AMN1: variants seen among roughly 807,000 people sequenced by gnomAD.
The protein encoded by AMN1 is antagonist of mitotic exit network 1 homolog.
Under a neutral mutation model 33.0 loss-of-function variants are expected in AMN1, and 20 were observed. The ratio of observed to expected loss-of-function variants is 0.61; its 90% confidence interval spans 0.43 to 0.88. AMN1 has a LOEUF of 0.88. Ranked by LOEUF, AMN1 falls within the 40% of genes least tolerant of loss-of-function variation. AMN1 has a pLI of 0.00. For synonymous variants in AMN1, 114 were observed against 111.9 expected, an observed-to-expected ratio of 1.02 and a Z score of -0.12; for missense variants, 246 against 307.4, an observed-to-expected ratio of 0.80 and a Z score of 1.49.
At chr12:31,705,284 G>A (rs1015287654) in intron 2 of AMN1, among the ~76,000 whole-genome samples, 3 of 152,114 alleles carry the variant, frequency 2.0e-5, no homozygotes, top group African/African-American at 4.8e-5. Context: ...GATTGCTTGA[G>A]CCCAGAGGTT....
At chr12:31,679,071 G>A in intron 6 of AMN1, among the ~76,000 whole-genome samples, 1 of 152,130 alleles carries the variant, frequency 6.6e-6, no homozygotes, top group East Asian at 1.9e-4. Flanking sequence ...CACTTTGAGA[G>A]GCCAACGTGG....
intron 3 of AMN1, among the ~76,000 whole-genome samples, chr12:31,700,892 T>C (rs552112006): frequency 6.6e-6 from 1 of 151,996 alleles, no homozygotes; most frequent in African/African-American, 2.4e-5. Flanking sequence ...GGTTTCACCA[T>C]GTTAGCCAGG....
At chr12:31,713,580 T>C (rs1196049446) in intron 1 of AMN1, among the ~76,000 whole-genome samples, 1 of 152,164 alleles carries the variant, frequency 6.6e-6, no homozygotes, top group African/African-American at 2.4e-5. Context: ...GTGGCTTATG[T>C]CTATAATCCC....
At chr12:31,693,497 G>A (rs1424886140) in intron 5 of AMN1, among the ~76,000 whole-genome samples, 3 of 151,296 alleles carry the variant, frequency 2.0e-5, no homozygotes, top group African/African-American at 4.9e-5. Flanking sequence ...AAAGTGCTGG[G>A]ATTACAGGCG....
intron 2 of AMN1, among the ~76,000 whole-genome samples, chr12:31,704,252 T>A (rs1053865516): frequency 3.3e-4 from 51 of 152,310 alleles, no homozygotes; most frequent in Non-Finnish European, 5.1e-4. Context: ...GGGATTTTTT[T>A]AAAGTCTCTG....
intron 1 of AMN1, among the ~76,000 whole-genome samples, chr12:31,711,294 C>T (rs996156242): frequency 2.6e-5 from 4 of 152,006 alleles, no homozygotes; most frequent in Non-Finnish European, 5.9e-5. Context: ...TAATGTGTAT[C>T]CTTTCATTGT....
At chr12:31,689,619 T>C (rs114353801) in intron 5 of AMN1, among the ~76,000 whole-genome samples, 1,866 of 152,292 alleles carry the variant, frequency 0.012, 36 homozygotes, top group African/African-American at 0.042. Flanking sequence ...GTATTTGCTA[T>C]ATGACCCAGC....
At chr12:31,712,498 G>C (rs1939507326) in intron 1 of AMN1, among the ~76,000 whole-genome samples, 1 of 152,014 alleles carries the variant, frequency 6.6e-6, no homozygotes, top group South Asian at 2.1e-4. Flanking sequence ...TGCCTGCCTT[G>C]GCCTCCCAAA....
chr12:31,672,613 ATTTGTTGT>A, intron 6 of AMN1: 1 of 369,316 alleles, frequency 2.7e-6, no homozygotes, highest in Non-Finnish European at 4.9e-6. Flanking sequence ...AAAAACAGGC[ATTTGTTGT>A]TTTCTCTGTA....
rs74623956 is a variant in AMN1, at chr12:31,705,052, C to T, written c.172-3045G>A. Among the ~76,000 whole-genome samples the T allele has an allele frequency of 9.7e-3, 1,474 of 152,196 alleles. 19 individuals are homozygous for T. Among genetic ancestry groups the T allele is most frequent in the African/African-American group, 0.034 (1,401 of 41,494 alleles). Reference sequence around the variant, plus strand: ...ATTATTCTACTTCCACAGAGCCAAGCAAACTACACCACTAAGGTATCTATG... The same window carrying T: ...ATTATTCTACTTCCACAGAGCCAAGTAAACTACACCACTAAGGTATCTATG... On this transcript the variant is annotated intron_variant, in intron 2 of 6. Transcript: ENST00000281471.
At position 31,697,343 on chromosome 12, in the gene AMN1, T is replaced by C; in HGVS notation, c.591+18A>G. 1 of 1,604,750 alleles carries C rather than the reference T, an allele frequency of 6.2e-7. No individual in the cohort carries two copies. Among genetic ancestry groups the C allele is most frequent in the Non-Finnish European group, 8.5e-7 (1 of 1,173,358 alleles). Reference sequence around the variant, plus strand: ...AAAAATTTAATCACCACCATCTTTATAATTGTTTTAAAATTACCTCTAATT... The same window carrying C: ...AAAAATTTAATCACCACCATCTTTACAATTGTTTTAAAATTACCTCTAATT... On this transcript the variant is annotated intron_variant, in intron 5 of 6. Transcript: ENST00000281471.
intron 6 of AMN1, among the ~76,000 whole-genome samples, chr12:31,676,537 T>C (rs1937711682): frequency 6.6e-6 from 1 of 150,714 alleles, no homozygotes; most frequent in African/African-American, 2.4e-5. Flanking sequence ...TTAGCCAGGA[T>C]GGTCTCGATC....
intron 6 of AMN1, among the ~76,000 whole-genome samples, chr12:31,682,940 T>A (rs1270504873): frequency 4.6e-5 from 7 of 151,316 alleles, no homozygotes; most frequent in African/African-American, 1.5e-4. Context: ...ATATAAGAAG[T>A]GATTTGAAAG....
chr12:31,675,975 T>TA (rs1321863601), intron 6 of AMN1, among the ~76,000 whole-genome samples: 2 of 151,738 alleles, frequency 1.3e-5, no homozygotes, highest in African/African-American at 2.4e-5. Flanking sequence ...AGGAATTCAC[T>TA]AAAAAAATAG....
At chr12:31,712,175 CAA>C (rs1353226567) in intron 1 of AMN1, among the ~76,000 whole-genome samples, 15 of 152,194 alleles carry the variant, frequency 9.9e-5, no homozygotes, top group Admixed American at 9.8e-4. Context: ...CTCCTAGGCT[CAA>C]GAGATCCTCC....
At chr12:31,713,295 GTTTA>G (rs1029996576) in intron 1 of AMN1, among the ~76,000 whole-genome samples, 6 of 152,078 alleles carry the variant, frequency 3.9e-5, no homozygotes, top group African/African-American at 1.4e-4. Flanking sequence ...ATGTATATAT[GTTTA>G]TTTACAGTAT....
chr12:31,728,979 G>A lies in AMN1; in HGVS notation c.30C>T (p.Leu10=). ...GGACAGGGTAGACTCACAGATCCAG[G>A]AGCTGACTGACCCGCCGTGGGCGAG... is the stretch of plus-strand genomic sequence containing the variant. MPRPRRVSQ[L]LDLCLWCFMK... The change falls in exon 1 of 7, where the codon CTC becomes CTT. Residue 10 remains leucine (L), a synonymous_variant. Transcript: ENST00000281471. 1.3e-6 allele frequency: 2 copies of A among 1,546,874 alleles called. No individual in the cohort carries two copies. Among genetic ancestry groups the A allele is most frequent in the Non-Finnish European group, 1.7e-6 (2 of 1,144,036 alleles).
chr12:31,684,215 G>A (rs550277149), intron 6 of AMN1, among the ~76,000 whole-genome samples: 7 of 152,174 alleles, frequency 4.6e-5, no homozygotes, highest in East Asian at 3.9e-4. Flanking sequence ...CAAAATGTAC[G>A]CAAAGTTCAT....
chr12:31,673,693 A>G, intron 6 of AMN1: 1 of 397,190 alleles, frequency 2.5e-6, no homozygotes, highest in Non-Finnish European at 5.0e-6. Context: ...GCAGACAAGG[A>G]TCTTTTATTA....
Sources: allele counts gnomAD v4.1 joint callset (sites outside exome capture counted in the v4.1 genomes callset), GRCh38; gene constraint gnomAD v4.1.1; transcripts MANE v1.5; gene names NCBI Gene and HGNC (gene_info 2026-07-23, HGNC 2026-07-21).